The following PCDHGB2 variants were observed in gnomAD, a reference collection of about 807,000 sequenced individuals.
PCDHGB2 encodes the protein protocadherin gamma subfamily B, 2, also known as protocadherin gamma-B2.
Under a neutral mutation model 59.3 loss-of-function variants are expected in PCDHGB2, and 55 were observed. The observed-to-expected ratio is 0.93, with a 90% CI of 0.75 to 1.16. The LOEUF (loss-of-function observed/expected upper bound fraction) is 1.16. PCDHGB2 is among the 50% of genes most tolerant of loss of function. The pLI is 0.00. For synonymous variants in PCDHGB2, 516 were observed against 512.0 expected (o/e 1.01, Z -0.11); for missense variants, 1,228 against 1,198.5 (o/e 1.02, Z -0.36).
chr5:141,506,737 C>T (rs893758261), intron 3 of PCDHGB2, among the ~76,000 whole-genome samples: 5 of 152,076 alleles, frequency 3.3e-5, no homozygotes, highest in African/African-American at 1.2e-4. Flanking sequence ...AGAATAATGC[C>T]TATTAATAAA....
Position 141,476,267 on chromosome 5 carries a change from G to A in PCDHGB2, c.2422-18540G>A, listed in dbSNP as rs373758158. The A allele has an allele frequency of 6.8e-6, 11 of 1,613,938 alleles. No homozygotes were observed. Among genetic ancestry groups the A allele is most frequent in the African/African-American group, 1.3e-5 (1 of 74,884 alleles). On this transcript the variant is annotated intron_variant, in intron 1 of 3. Transcript: ENST00000522605. The surrounding 1 kb of genome is among the most constrained non-coding windows in gnomAD (Gnocchi z 7.6). ...GAAGGGTTTCGCTGTGGGCAACGTG[G>A]TCGCGAACCTTGGTTTGGATCTCGG...
intron 1 of PCDHGB2, chr5:141,415,199 T>C (rs761532551): frequency 1.7e-5 from 28 of 1,613,880 alleles, no homozygotes; most frequent in Non-Finnish European, 2.4e-5. Flanking sequence ...ATCCCCCAAG[T>C]CCTGGCGGAC....
chr5:141,395,515 C>T (rs527577408), intron 1 of PCDHGB2: 5 of 407,340 alleles, frequency 1.2e-5, no homozygotes, highest in South Asian at 7.2e-5. Context: ...AGTAGCTACC[C>T]GTCCATACTG....
chr5:141,476,801 C>A lies in PCDHGB2; in HGVS notation c.2422-18006C>A, dbSNP rs752954707. The A allele has an allele frequency of 5.8e-5, 94 of 1,613,468 alleles. No homozygotes were observed. The highest frequency in any genetic ancestry group is 7.9e-5 in the Non-Finnish European group (93 of 1,180,028). The stretch of plus-strand genomic sequence containing the variant: ...GACCCCAGCTCTCTCCGCCAGCCTG[C>A]CTATTCACATCAAGGTGCTGGACGC... On this transcript the variant is annotated intron_variant, in intron 1 of 3. Transcript: ENST00000522605. This position sits in a 1 kb window ranked among gnomAD's most constrained non-coding sequence, Gnocchi z 7.6.
At chr5:141,427,922 G>T (rs949317839) in intron 1 of PCDHGB2, 2 of 1,580,624 alleles carry the variant, frequency 1.3e-6, no homozygotes, top group African/African-American at 1.3e-5. Context: ...ACATGAGCCG[G>T]CGCATGTTGG....
intron 2 of PCDHGB2, among the ~76,000 whole-genome samples, chr5:141,501,331 ACACC>A (rs747366952): frequency 1.4e-5 from 2 of 138,844 alleles, no homozygotes; most frequent in Non-Finnish European, 3.2e-5. Context: ...ACACACACAC[ACACC>A]CCAAACTCAA....
chr5:141,478,415 C>T, intron 1 of PCDHGB2: 1 of 1,613,648 alleles, frequency 6.2e-7, no homozygotes, highest in Non-Finnish European at 8.5e-7. Flanking sequence ...CACGGACTCC[C>T]GCCGCAGCGA....
At chr5:141,390,233 T>C (rs1388812754) in intron 1 of PCDHGB2, 1 of 1,614,068 alleles carries the variant, frequency 6.2e-7, no homozygotes, top group Non-Finnish European at 8.5e-7. Flanking sequence ...GTGATTCATC[T>C]GGGGCCTTAT....
In PCDHGB2 at chr5:141,485,417, G is replaced by A. The variant is rs1340790133; in HGVS notation, c.2422-9390G>A. The A allele has an allele frequency of 1.2e-6, 2 of 1,614,166 alleles. No homozygotes were observed. Among genetic ancestry groups the A allele is most frequent in the Non-Finnish European group, 8.5e-7 (1 of 1,180,038 alleles). ...ACACTTCCGTGTGGATTTGGACAGCGGAGCCCTGCTCATCAAGAACCCAAT... is the reference window on the plus strand; with the variant it reads ...ACACTTCCGTGTGGATTTGGACAGCAGAGCCCTGCTCATCAAGAACCCAAT... On this transcript the variant is annotated intron_variant, in intron 1 of 3. Coordinates refer to ENST00000522605, the MANE Select transcript of PCDHGB2 (RefSeq NM_018923.3). The surrounding 1 kb of genome is among the most constrained non-coding windows in gnomAD (Gnocchi z 5.7).
At chr5:141,374,150 C>T in intron 1 of PCDHGB2, 1 of 1,611,806 alleles carries the variant, frequency 6.2e-7, no homozygotes, top group Non-Finnish European at 8.5e-7. Context: ...CCTGGGGACG[C>T]TGTGGGGGGC....
intron 1 of PCDHGB2, chr5:141,423,110 G>C: frequency 6.2e-7 from 1 of 1,613,842 alleles, no homozygotes; most frequent in Non-Finnish European, 8.5e-7. Context: ...GGCGAGGTGC[G>C]TACAGCGCGG....
intron 1 of PCDHGB2, among the ~76,000 whole-genome samples, chr5:141,452,276 C>A (rs1160292593): frequency 2.6e-5 from 4 of 152,172 alleles, no homozygotes; most frequent in Admixed American, 6.5e-5. Flanking sequence ...TGAACCCTTT[C>A]TTACTTTCTG....
Position 141,489,978 on chromosome 5 carries a change from T to C in PCDHGB2, c.2422-4829T>C. 6.2e-7 allele frequency: 1 copy of C among 1,614,192 alleles called. No homozygotes were observed. Among genetic ancestry groups the C allele is most frequent in the Non-Finnish European group, 8.5e-7 (1 of 1,180,012 alleles). On this transcript the variant is annotated intron_variant, in intron 1 of 3. Coordinates refer to ENST00000522605, the MANE Select transcript of PCDHGB2 (RefSeq NM_018923.3). The surrounding 1 kb of genome is among the most constrained non-coding windows in gnomAD (Gnocchi z 4.5). ...ATGCTCCAACCTTCCAATCCTCAGT[T>C]CTACGTGTGGGAATCCCAGAGAATG...
chr5:141,469,677 T>C (rs1271778909), intron 1 of PCDHGB2, among the ~76,000 whole-genome samples: 1 of 152,246 alleles, frequency 6.6e-6, no homozygotes, highest in African/African-American at 2.4e-5. Context: ...TAAAACTACA[T>C]ATGCATTGGT....
chr5:141,365,956 T>C (rs757991507), intron 1 of PCDHGB2: 1 of 1,614,208 alleles, frequency 6.2e-7, no homozygotes, highest in South Asian at 1.1e-5. Flanking sequence ...ACCCTCCACT[T>C]AGCAGCAACG....
intron 1 of PCDHGB2, chr5:141,400,276 C>T: frequency 6.2e-7 from 1 of 1,614,048 alleles, no homozygotes; most frequent in Non-Finnish European, 8.5e-7. Flanking sequence ...CTCCTCCAGC[C>T]CTGCCGCCTG....
rs987773604 is a variant in PCDHGB2 at position 141,409,588 on chromosome 5, C to G, written c.2421+47032C>G. 5.6e-6 allele frequency: 9 copies of G among 1,613,760 alleles called. 1 individual carries two copies. The highest frequency in any genetic ancestry group is 7.6e-6 in the Non-Finnish European group (9 of 1,179,892). On this transcript the variant is annotated intron_variant, in intron 1 of 3. Transcript: ENST00000522605. ...AGACGTCCTACGTGGTCCACGTGGC[C>G]GAGAACAACCCGCCAGGAGCCTCCA...
chr5:141,403,339 C>A, intron 1 of PCDHGB2: 2 of 1,614,010 alleles, frequency 1.2e-6, no homozygotes, highest in Non-Finnish European at 1.7e-6. Flanking sequence ...TTAACGACAG[C>A]GCCCCAAAGT....
chr5:141,422,349 T>G, intron 1 of PCDHGB2: 1 of 1,554,722 alleles, frequency 6.4e-7, no homozygotes, highest in South Asian at 1.3e-5. Flanking sequence ...ATGTGCAAGA[T>G]CAAGATTCTG....
Sources: gnomAD v4.1 joint callset for allele counts (sites outside exome capture counted in the v4.1 genomes callset) on GRCh38, gnomAD v4.1.1 for gene constraint, Gnocchi (gnomAD v3.1) non-coding constraint, MANE v1.5 for transcripts, NCBI Gene and HGNC (gene_info 2026-07-23, HGNC 2026-07-21) for gene names.